Variants in GPNMB observed in about 807,000 individuals in gnomAD.
GPNMB encodes glycoprotein nmb.
Under a neutral mutation model 57.3 loss-of-function variants are expected in GPNMB, and 71 were observed. That is an observed-to-expected ratio of 1.24 (90% CI 1.02 to 1.51). The LOEUF is 1.51. Ranked by LOEUF, GPNMB falls within the 40% of genes most tolerant of loss-of-function variation. GPNMB has a pLI of 0.00. For missense variants in GPNMB, 677 were observed against 691.9 expected (o/e 0.98, Z 0.24); for synonymous variants, 253 against 263.2 (o/e 0.96, Z 0.38).
chr7:23,250,220 A>G (rs1236530821), intron 1 of GPNMB, among the ~76,000 whole-genome samples: 1 of 152,148 alleles, frequency 6.6e-6, no homozygotes, highest in African/African-American at 2.4e-5. Context: ...CCCAGTCTGT[A>G]GCTTGCCTTT....
At chr7:23,272,299 T>C (rs1312113824) in intron 9 of GPNMB, among the ~76,000 whole-genome samples, 2 of 152,210 alleles carry the variant, frequency 1.3e-5, no homozygotes, top group Non-Finnish European at 2.9e-5. Context: ...GTGATAACTT[T>C]AGGTGGGACC....
intron 6 of GPNMB, chr7:23,266,187 G>A (rs544414331): frequency 1.9e-5 from 5 of 259,562 alleles, no homozygotes; most frequent in African/African-American, 1.1e-4. Context: ...CTGACCTCAT[G>A]ATCTGCCCCC....
At position 23,260,734 on chromosome 7, in the gene GPNMB, C is replaced by T; in HGVS notation, c.979C>T (p.Pro327Ser). The stretch of plus-strand genomic sequence containing the variant: ...AGCACCAGGACCTTGTCCGCCACCG[C>T]CACCACCACCCAGACCTTCAAAACC... ...AAAPGPCPPP[P>S]PPPRPSKPTP... Residue 327 changes from proline to serine, a missense_variant, in exon 6 of 11, where the codon CCA becomes TCA. Coordinates refer to ENST00000258733, the MANE Select transcript of GPNMB (RefSeq NM_002510.3). 2 of 1,587,626 alleles carry T rather than the reference C, an allele frequency of 1.3e-6. No homozygotes were observed. The highest frequency in any genetic ancestry group is 2.3e-5 in the South Asian group (2 of 87,462).
chr7:23,266,722 C>T lies in GPNMB; in HGVS notation c.1117+107C>T, dbSNP rs866445878. The T allele has an allele frequency of 3.2e-5, 29 of 908,520 alleles. No individual in the cohort carries two copies. The Middle Eastern group carries it at 4.2e-3, about 132-fold the overall frequency. The allele number at this position is 908,520 out of a possible 1,614,324, so 56.3% of individuals were successfully genotyped here. On this transcript the variant is annotated intron_variant, in intron 7 of 10. Coordinates refer to ENST00000258733, the MANE Select transcript of GPNMB (RefSeq NM_002510.3). ...GGTAGAGGTAGGTGGTAAGGGCACC[C>T]CTCTGCTTGTCTAAGATGACACCAC... is the stretch of plus-strand genomic sequence containing the variant.
intron 4 of GPNMB, among the ~76,000 whole-genome samples, chr7:23,258,438 A>T (rs754594136): frequency 2.0e-5 from 3 of 152,210 alleles, no homozygotes; most frequent in Non-Finnish European, 2.9e-5. Flanking sequence ...CCCATTAGCC[A>T]ACTCACCAAA....
chr7:23,255,284 C>T (rs1033956118), intron 3 of GPNMB, among the ~76,000 whole-genome samples: 4 of 152,032 alleles, frequency 2.6e-5, no homozygotes, highest in Admixed American at 6.6e-5. Context: ...CCCAAAGCGC[C>T]GGGATTACAG....
At chr7:23,254,120 G>A (rs576426796) in intron 2 of GPNMB, 49 bp from the exon 3 acceptor site, 27 of 1,559,256 alleles carry the variant, frequency 1.7e-5, no homozygotes, top group Admixed American at 6.1e-5. Context: ...GTTTATGAAC[G>A]AAAGGAAAAA....
chr7:23,259,472 G>A (rs769225277), intron 4 of GPNMB, among the ~76,000 whole-genome samples: 2 of 152,096 alleles, frequency 1.3e-5, no homozygotes, highest in African/African-American at 2.4e-5. Flanking sequence ...ATGAGCTACC[G>A]CGCCCAGCCA....
chr7:23,263,449 C>T (rs779837626), intron 6 of GPNMB, among the ~76,000 whole-genome samples: 4 of 151,396 alleles, frequency 2.6e-5, no homozygotes, highest in African/African-American at 7.3e-5. Context: ...CCGTCTCTAC[C>T]GAAAATATAA....
chr7:23,257,636 C>A (rs1782813311), intron 4 of GPNMB: 1 of 154,146 alleles, frequency 6.5e-6, no homozygotes, highest in Non-Finnish European at 1.4e-5. Context: ...TGAGCCATTG[C>A]ACTCCAGCCT....
chr7:23,266,940 C>T (rs956288454), intron 7 of GPNMB, among the ~76,000 whole-genome samples: 2 of 152,218 alleles, frequency 1.3e-5, no homozygotes, highest in African/African-American at 4.8e-5. Flanking sequence ...GCATCGAGTT[C>T]CTACAACTTC....
chr7:23,263,080 G>C (rs966385134), intron 6 of GPNMB, among the ~76,000 whole-genome samples: 1 of 151,898 alleles, frequency 6.6e-6, no homozygotes, highest in African/African-American at 2.4e-5. Context: ...CAAATAAGAG[G>C]ACCAGGTATA....
intron 8 of GPNMB, among the ~76,000 whole-genome samples, chr7:23,269,403 CA>C (rs993694162): frequency 1.3e-5 from 2 of 151,842 alleles, no homozygotes; most frequent in African/African-American, 2.4e-5. Flanking sequence ...AACAAACAAA[CA>C]AAAAAACTAT....
At chr7:23,269,628 C>T (rs1783149763) in intron 8 of GPNMB, among the ~76,000 whole-genome samples, 1 of 152,220 alleles carries the variant, frequency 6.6e-6, no homozygotes, top group Non-Finnish European at 1.5e-5. Flanking sequence ...AAGCTATCTG[C>T]ATCTTCGAAC....
intron 6 of GPNMB, among the ~76,000 whole-genome samples, chr7:23,263,309 A>G (rs1782974441): frequency 6.6e-6 from 1 of 152,142 alleles, no homozygotes; most frequent in African/African-American, 2.4e-5. Flanking sequence ...CCTAGGTGAC[A>G]CCATAAGATA....
chr7:23,271,253 C>T (rs1367502589), intron 9 of GPNMB, among the ~76,000 whole-genome samples: 2 of 152,184 alleles, frequency 1.3e-5, no homozygotes, highest in Non-Finnish European at 2.9e-5. Context: ...CAGTCGTTTG[C>T]TGCTCACCTC....
intron 1 of GPNMB, among the ~76,000 whole-genome samples, chr7:23,248,496 A>G (rs927025064): frequency 6.6e-5 from 10 of 152,172 alleles, no homozygotes; most frequent in Admixed American, 5.9e-4. Flanking sequence ...TTCTGCCCAG[A>G]AAAAAATAAG....
intron 1 of GPNMB, among the ~76,000 whole-genome samples, chr7:23,248,560 A>G (rs1274455095): frequency 6.6e-6 from 1 of 152,088 alleles, no homozygotes; most frequent in East Asian, 1.9e-4. Context: ...ACCATTTTCC[A>G]TTCGTAGCCC....
intron 3 of GPNMB, among the ~76,000 whole-genome samples, chr7:23,255,832 T>A (rs1351003405): frequency 2.0e-5 from 3 of 152,366 alleles, no homozygotes; most frequent in Non-Finnish European, 4.4e-5. Context: ...GGTGATCAAA[T>A]CAGGGTGATT....
Sources: allele counts gnomAD v4.1 joint callset (sites outside exome capture counted in the v4.1 genomes callset), GRCh38; gene constraint gnomAD v4.1.1; transcripts MANE v1.5; gene names NCBI Gene and HGNC (gene_info 2026-07-23, HGNC 2026-07-21).